The following PSMA1 variants were observed in gnomAD, a reference collection of about 807,000 sequenced individuals.
PSMA1 encodes proteasome 20S subunit alpha 1, also known as proteasome subunit alpha type-1.
PSMA1 carries 3 observed loss-of-function variants against 38.4 expected under a neutral mutation model. The ratio of observed to expected loss-of-function variants is 0.08; its 90% confidence interval spans 0.04 to 0.20. PSMA1 has a LOEUF of 0.20. Ranked by LOEUF, PSMA1 falls within the 10% of genes least tolerant of loss-of-function variation. The probability of loss-of-function intolerance (pLI) is 1.00; values close to 1 mark genes in which losing one functional copy is unlikely to be tolerated. For missense variants in PSMA1, 227 were observed against 325.3 expected (o/e 0.70, Z 2.32); for synonymous variants, 101 against 107.1 (o/e 0.94, Z 0.35).
chr11:14,587,709 T>C (rs1852365673), intron 2 of PSMA1, among the ~76,000 whole-genome samples: 1 of 152,140 alleles, frequency 6.6e-6, no homozygotes, highest in Non-Finnish European at 1.5e-5. Context: ...TATGAACTTG[T>C]TTAAGTTACT....
intron 2 of PSMA1, among the ~76,000 whole-genome samples, chr11:14,582,018 T>C (rs1852287384): frequency 6.6e-6 from 1 of 152,224 alleles, no homozygotes. Context: ...ATGTGTCTAC[T>C]GCTGAGTGAG....
At chr11:14,517,768 G>GT in intron 3 of PSMA1, 23 bp from the exon 4 acceptor site, 2 of 1,220,866 alleles carry the variant, frequency 1.6e-6, no homozygotes, top group East Asian at 2.6e-5. Flanking sequence ...ATTATAAGAT[G>GT]TAAAAAAAAA....
At chr11:14,506,323 T>C (rs373273219) in intron 9 of PSMA1, among the ~76,000 whole-genome samples, 159 of 152,332 alleles carry the variant, frequency 1.0e-3, no homozygotes, top group African/African-American at 3.6e-3. Flanking sequence ...ATCAGCACTT[T>C]TTAGACATTC....
intron 2 of PSMA1, among the ~76,000 whole-genome samples, chr11:14,610,478 G>A (rs763177228): frequency 1.6e-4 from 24 of 152,158 alleles, no homozygotes; most frequent in Non-Finnish European, 2.9e-4. Flanking sequence ...CAGCAGAGAC[G>A]TGAATTAAAG....
chr11:14,630,821 T>C (rs1852994600), intron 1 of PSMA1, among the ~76,000 whole-genome samples: 1 of 152,188 alleles, frequency 6.6e-6, no homozygotes, highest in Admixed American at 6.5e-5. Flanking sequence ...GGTAAGCTAT[T>C]GATTATTGCC....
intron 2 of PSMA1, among the ~76,000 whole-genome samples, chr11:14,554,807 A>G (rs911406095): frequency 6.6e-6 from 1 of 152,206 alleles, no homozygotes; most frequent in Non-Finnish European, 1.5e-5. Flanking sequence ...CTTCACATGC[A>G]TAACTCACAA....
chr11:14,546,074 G>T (rs1323533439), intron 2 of PSMA1, among the ~76,000 whole-genome samples: 3 of 151,944 alleles, frequency 2.0e-5, no homozygotes, highest in Admixed American at 2.0e-4. Context: ...GTTAGTGAAT[G>T]AGCTGGTTTA....
intron 2 of PSMA1, among the ~76,000 whole-genome samples, chr11:14,591,202 C>G (rs1307638676): frequency 6.6e-6 from 1 of 152,252 alleles, no homozygotes; most frequent in Non-Finnish European, 1.5e-5. Context: ...ACTTGGCACC[C>G]AGGCCAGTGG....
intron 2 of PSMA1, among the ~76,000 whole-genome samples, chr11:14,596,197 T>C (rs1201329421): frequency 1.3e-5 from 2 of 152,242 alleles, no homozygotes; most frequent in Non-Finnish European, 2.9e-5. Flanking sequence ...AGCTTTGTTC[T>C]TTTGGCTTAG....
intron 1 of PSMA1, among the ~76,000 whole-genome samples, chr11:14,634,139 C>G (rs1319286942): frequency 6.6e-6 from 1 of 152,184 alleles, no homozygotes; most frequent in Non-Finnish European, 1.5e-5. Flanking sequence ...CGGAGCTGTT[C>G]CTATTCGGCC....
intron 2 of PSMA1, among the ~76,000 whole-genome samples, chr11:14,593,122 T>G (rs1477133986): frequency 2.0e-5 from 3 of 152,176 alleles, no homozygotes; most frequent in African/African-American, 7.2e-5. Context: ...CCACTTCTCA[T>G]AGCAACCCCA....
At chr11:14,544,492 A>G (rs1851805354) in intron 2 of PSMA1, among the ~76,000 whole-genome samples, 1 of 152,220 alleles carries the variant, frequency 6.6e-6, no homozygotes, top group Admixed American at 6.5e-5. Flanking sequence ...AGACAACCCA[A>G]TTAAAGAATG....
At chr11:14,570,464 C>T (rs1852124934) in intron 2 of PSMA1, among the ~76,000 whole-genome samples, 1 of 152,042 alleles carries the variant, frequency 6.6e-6, no homozygotes, top group Admixed American at 6.6e-5. Flanking sequence ...AGCTAAAAAC[C>T]TTGAAAAAAA....
intron 1 of PSMA1, among the ~76,000 whole-genome samples, chr11:14,629,419 T>C (rs1015827637): frequency 1.5e-4 from 23 of 152,322 alleles, no homozygotes; most frequent in African/African-American, 4.8e-4. Flanking sequence ...ATTTATTAAA[T>C]AGGGAATCCT....
chr11:14,548,793 T>C (rs946249539), intron 2 of PSMA1, among the ~76,000 whole-genome samples: 1 of 152,226 alleles, frequency 6.6e-6, no homozygotes, highest in Non-Finnish European at 1.5e-5. Flanking sequence ...AAATATATTG[T>C]CTTTTCTTGA....
intron 2 of PSMA1, among the ~76,000 whole-genome samples, chr11:14,592,114 G>A (rs1356847597): frequency 1.3e-5 from 2 of 151,552 alleles, no homozygotes; most frequent in Non-Finnish European, 2.9e-5. Flanking sequence ...GTGAGACCAC[G>A]AACCCGCCAC....
At chr11:14,586,172 C>T (rs536418655) in intron 2 of PSMA1, among the ~76,000 whole-genome samples, 7 of 152,206 alleles carry the variant, frequency 4.6e-5, no homozygotes, top group Admixed American at 1.3e-4. Flanking sequence ...TGGCTCACAC[C>T]GGTAATCCTG....
chr11:14,520,542 C>T (rs981720075), upstream of PSMA1: 1 of 1,364,786 alleles, frequency 7.3e-7, no homozygotes, highest in Non-Finnish European at 9.6e-7. Flanking sequence ...GGCGGGAAAA[C>T]CTGGCTGGGA....
chr11:14,591,382 C>T (rs914638673), intron 2 of PSMA1, among the ~76,000 whole-genome samples: 12 of 152,332 alleles, frequency 7.9e-5, no homozygotes, highest in South Asian at 4.1e-4. Context: ...GGAGCCTCCC[C>T]GATGAGTGCC....
Sources: gnomAD v4.1 joint callset for allele counts (sites outside exome capture counted in the v4.1 genomes callset) on GRCh38, gnomAD v4.1.1 for gene constraint, MANE v1.5 for transcripts, NCBI Gene and HGNC (gene_info 2026-07-23, HGNC 2026-07-21) for gene names.